Variants in PPP1R12A observed in about 807,000 individuals in gnomAD.
The protein encoded by PPP1R12A is protein phosphatase 1 regulatory subunit 12A.
PPP1R12A carries 19 observed loss-of-function variants against 139.6 expected under a neutral mutation model. The ratio of observed to expected loss-of-function variants is 0.14; its 90% confidence interval spans 0.09 to 0.20. The LOEUF (loss-of-function observed/expected upper bound fraction) is 0.20. PPP1R12A is among the 10% of genes least tolerant of loss of function. PPP1R12A has a pLI of 1.00. For missense variants in PPP1R12A, 925 were observed against 1,211.5 expected, an observed-to-expected ratio of 0.76 and a Z score of 3.51; for synonymous variants, 427 against 420.6, an observed-to-expected ratio of 1.02 and a Z score of -0.19.
At chr12:79,918,784 T>C (rs1386756787) in intron 1 of PPP1R12A, among the ~76,000 whole-genome samples, 2 of 152,128 alleles carry the variant, frequency 1.3e-5, no homozygotes, top group African/African-American at 2.4e-5. Flanking sequence ...TGATTTTTCT[T>C]AAAAAAGAAA....
intron 11 of PPP1R12A, 64 bp from the exon 12 acceptor site, chr12:79,807,394 C>T: frequency 2.0e-6 from 2 of 1,006,714 alleles, no homozygotes; most frequent in South Asian, 1.4e-5. Context: ...GAAAGCGGTA[C>T]ACTAGTAAAT....
intron 19 of PPP1R12A, among the ~76,000 whole-genome samples, chr12:79,792,572 C>T (rs367813575): frequency 2.0e-5 from 3 of 152,076 alleles, no homozygotes; most frequent in Non-Finnish European, 4.4e-5. Context: ...AAAAACTTTT[C>T]GTCTTAGAAA....
intron 11 of PPP1R12A, 45 bp from the exon 12 acceptor site, chr12:79,807,375 T>C (rs1167342348): frequency 8.0e-7 from 1 of 1,247,152 alleles, no homozygotes; most frequent in Non-Finnish European, 1.1e-6. Context: ...AATTTTAAAA[T>C]AGGATTAAGA....
chr12:79,795,919 A>C (rs1283578545), intron 17 of PPP1R12A, among the ~76,000 whole-genome samples, 160 bp from the exon 18 acceptor site: 1 of 152,126 alleles, frequency 6.6e-6, no homozygotes, highest in African/African-American at 2.4e-5. Flanking sequence ...TTGGTATGTG[A>C]GAATTCAGAT....
At chr12:79,844,487 A>G (rs1458777739) in intron 3 of PPP1R12A, among the ~76,000 whole-genome samples, 1 of 152,172 alleles carries the variant, frequency 6.6e-6, no homozygotes, top group African/African-American at 2.4e-5. Flanking sequence ...CCTTCAAAAT[A>G]TATCCATAAT....
intron 2 of PPP1R12A, among the ~76,000 whole-genome samples, chr12:79,864,160 A>G (rs997419786): frequency 6.6e-5 from 10 of 152,206 alleles, no homozygotes; most frequent in Non-Finnish European, 1.5e-4. Context: ...CAGTGCAATC[A>G]AATTAGAACT....
chr12:79,913,792 C>A (rs1018489677), intron 1 of PPP1R12A: 1 of 152,166 alleles, frequency 6.6e-6, no homozygotes, highest in Admixed American at 6.5e-5. Context: ...CTTTACAATA[C>A]TTACAGTCTT....
intron 1 of PPP1R12A, among the ~76,000 whole-genome samples, chr12:79,914,923 A>G (rs569090264): frequency 6.6e-6 from 1 of 152,170 alleles, no homozygotes; most frequent in South Asian, 2.1e-4. Context: ...CTTGAGTTGC[A>G]TATAGTACCT....
intron 23 of PPP1R12A, chr12:79,780,628 A>G (rs1286135699): frequency 6.6e-6 from 1 of 152,194 alleles, no homozygotes; most frequent in Non-Finnish European, 1.5e-5. Context: ...CTTTAAGTAC[A>G]GTTTGTTATC....
At chr12:79,932,258 T>C (rs1888307977) in intron 1 of PPP1R12A, among the ~76,000 whole-genome samples, 1 of 152,222 alleles carries the variant, frequency 6.6e-6, no homozygotes, top group Non-Finnish European at 1.5e-5. Context: ...TCAAGAGATT[T>C]CTTAAAGGCT....
intron 2 of PPP1R12A, among the ~76,000 whole-genome samples, chr12:79,865,399 A>C (rs987105513): frequency 1.3e-5 from 2 of 152,224 alleles, no homozygotes; most frequent in Non-Finnish European, 2.9e-5. Context: ...TTCCATTTGA[A>C]AACCGCCACA....
rs529143583 is a variant in PPP1R12A at position 79,788,626 on chromosome 12, T to C, written c.2802+22A>G. ...ACATAAAAGATAACTTTTTATTAAA[T>C]ATAACTAAATAACCCAAGTACCTTT... On this transcript the variant is annotated intron_variant, in intron 21 of 24. Transcript: ENST00000450142. The C allele has an allele frequency of 1.2e-5, 19 of 1,576,802 alleles. No homozygotes were observed. In the East Asian group the frequency reaches 4.0e-4, roughly 34 times the overall value.
At chr12:79,891,690 A>C (rs1178281456) in intron 1 of PPP1R12A, among the ~76,000 whole-genome samples, 1 of 152,158 alleles carries the variant, frequency 6.6e-6, no homozygotes, top group South Asian at 2.1e-4. Flanking sequence ...ATAAGATGTC[A>C]CTTCTGAGAT....
chr12:79,884,156 TTAAGA>T (rs1266635849), intron 1 of PPP1R12A, among the ~76,000 whole-genome samples: 2 of 152,160 alleles, frequency 1.3e-5, no homozygotes, highest in Non-Finnish European at 1.5e-5. Context: ...CCTTTGACAC[TTAAGA>T]TAAAAGACTT....
At chr12:79,881,902 T>C (rs1883673847) in intron 1 of PPP1R12A, among the ~76,000 whole-genome samples, 1 of 152,190 alleles carries the variant, frequency 6.6e-6, no homozygotes. Context: ...CTAAATCTAC[T>C]CTGCCAGTGC....
intron 1 of PPP1R12A, among the ~76,000 whole-genome samples, chr12:79,879,779 T>C (rs1883457210): frequency 6.6e-6 from 1 of 152,064 alleles, no homozygotes; most frequent in South Asian, 2.1e-4. Context: ...GGGGTGATTT[T>C]TACATAGAGA....
In PPP1R12A at chr12:79,828,366, C is replaced by A. The variant is rs371900942; in HGVS notation, c.746G>T (p.Arg249Leu). Residue 249 changes from arginine (R) to leucine (L), a missense_variant, in exon 5 of 25, where the codon CGA (arginine) becomes CTA (leucine). By Grantham distance (102) the Arg-to-Leu change is moderately radical. Around this residue, in one of 4 missense-constraint regions of PPP1R12A, gnomAD observed 199 missense variants for 352.4 expected, o/e 0.56. Transcript: ENST00000450142. The part of the protein sequence containing the change: ...AAHWGKEEAC[R>L]ILVDNLCDME... ...ATCACACAGATTGTCCACTAAAATT[C>A]GACATGCTTCTTCTTTACCCCAATG... 2.5e-6 allele frequency: 4 copies of A among 1,612,494 alleles called. No homozygotes were observed. The highest frequency in any genetic ancestry group is 2.2e-5 in the South Asian group (2 of 90,940).
chr12:79,845,803 CA>C (rs1294094233), intron 2 of PPP1R12A, among the ~76,000 whole-genome samples: 1 of 65,910 alleles, frequency 1.5e-5, no homozygotes, highest in Non-Finnish European at 4.1e-5. Flanking sequence ...GCCAAAAAAA[CA>C]AAAAACAAAA....
chr12:79,855,269 T>C (rs1251307389), intron 2 of PPP1R12A, among the ~76,000 whole-genome samples: 1 of 152,160 alleles, frequency 6.6e-6, no homozygotes, highest in Non-Finnish European at 1.5e-5. Flanking sequence ...ATTACATGTG[T>C]GAGCCACCGC....
Sources: gnomAD v4.1 joint callset for allele counts (sites outside exome capture counted in the v4.1 genomes callset) on GRCh38, gnomAD v4.1.1 for gene constraint, gnomAD v4.1.1 regional missense constraint, MANE v1.5 for transcripts, NCBI Gene and HGNC (gene_info 2026-07-23, HGNC 2026-07-21) for gene names.